The following MEGF10 variants were observed in gnomAD, a reference collection of about 807,000 sequenced individuals.
MEGF10 encodes the protein multiple EGF like domains 10.
In MEGF10, 86 loss-of-function variants were observed where a neutral mutation model predicts 147.5. The ratio of observed to expected loss-of-function variants is 0.58; its 90% CI spans 0.49 to 0.70. The LOEUF (loss-of-function observed/expected upper bound fraction) is 0.70, where lower values mean the gene tolerates loss of function less well. MEGF10 is among the 30% of genes least tolerant of loss of function. The probability of loss-of-function intolerance (pLI) is 0.00; values close to 1 mark genes in which losing one functional copy is unlikely to be tolerated. For missense variants in MEGF10, 1,329 were observed against 1,487.3 expected (o/e 0.89, Z 1.75); for synonymous variants, 478 against 525.5 (o/e 0.91, Z 1.24).
intron 8 of MEGF10, among the ~76,000 whole-genome samples, chr5:127,408,964 C>T (rs762900648): frequency 7.2e-5 from 11 of 152,176 alleles, no homozygotes; most frequent in Middle Eastern, 3.4e-3. Context: ...GTGGTCCTAG[C>T]TACTCAGGCG....
intron 1 of MEGF10, among the ~76,000 whole-genome samples, chr5:127,291,388 T>A (rs192541848): frequency 5.3e-5 from 8 of 152,300 alleles, no homozygotes; most frequent in Admixed American, 4.6e-4. Flanking sequence ...TAGCTGGATG[T>A]AGGGAGATTT....
chr5:127,400,893 C>A (rs1226038100), intron 7 of MEGF10, among the ~76,000 whole-genome samples: 2 of 152,140 alleles, frequency 1.3e-5, no homozygotes, highest in Non-Finnish European at 2.9e-5. Context: ...GCTGAGCTTT[C>A]AATTTATACT....
chr5:127,292,837 T>G (rs972148022), intron 1 of MEGF10, among the ~76,000 whole-genome samples: 2 of 152,184 alleles, frequency 1.3e-5, no homozygotes, highest in African/African-American at 2.4e-5. Context: ...ATCTATTACA[T>G]GTCAAGCACT....
At chr5:127,286,853 T>A (rs1369219531), upstream of MEGF10, among the ~76,000 whole-genome samples, 2 of 151,812 alleles carry the variant, frequency 1.3e-5, no homozygotes, top group Non-Finnish European at 3.0e-5. Flanking sequence ...AACAAGAAAA[T>A]AAAAATGCAG....
intron 1 of MEGF10, among the ~76,000 whole-genome samples, chr5:127,318,651 A>C (rs116330280): frequency 0.02 from 3,042 of 152,324 alleles, 41 homozygotes; most frequent in South Asian, 0.035. Flanking sequence ...TGCCATTGAA[A>C]AATTGACTTA....
rs753476658 is a variant in MEGF10 at position 127,447,684 on chromosome 5, G to A, written c.2856G>A (p.Lys952=). The A allele has an allele frequency of 6.2e-7, 1 of 1,614,060 alleles. No individual in the cohort carries two copies. The highest frequency in any genetic ancestry group is 1.1e-5 in the South Asian group (1 of 91,082). Reference sequence around the variant, plus strand: ...ACAGGGACAGGATGACTGTCACGAAGGTGAGAGGAATTGGTTCAAGTCTTT... The same window carrying A: ...ACAGGGACAGGATGACTGTCACGAAAGTGAGAGGAATTGGTTCAAGTCTTT... ...VNNRDRMTVT[K]SKNNQLFVNL... Residue 952 remains lysine, a splice_region_variant and synonymous_variant, in exon 21 of 25, where the codon AAG becomes AAA. Transcript: ENST00000503335.
intron 4 of MEGF10, among the ~76,000 whole-genome samples, chr5:127,351,490 C>T (rs1174204871): frequency 1.3e-5 from 2 of 152,072 alleles, no homozygotes; most frequent in African/African-American, 2.4e-5. Context: ...CGTAGTTTTG[C>T]GGCTACAGGG....
chr5:127,309,993 CT>C (rs1760204164), intron 1 of MEGF10, among the ~76,000 whole-genome samples: 2 of 76,296 alleles, frequency 2.6e-5, no homozygotes, highest in African/African-American at 9.9e-5. Context: ...TTCTTTCTTT[CT>C]TTCCTTCCTT....
chr5:127,313,777 C>G (rs1046758930), intron 1 of MEGF10, among the ~76,000 whole-genome samples: 1 of 152,202 alleles, frequency 6.6e-6, no homozygotes, highest in African/African-American at 2.4e-5. Context: ...AAAGTGAGAA[C>G]TCCCAGATAC....
At chr5:127,232,390 A>T in the MEGF10 span, among the ~76,000 whole-genome samples, 1 of 152,322 alleles carries the variant, frequency 6.6e-6, no homozygotes. Flanking sequence ...ATCAAGATCA[A>T]CAAAGGCTGA....
chr5:127,292,324 G>A (rs2126694850), intron 1 of MEGF10, among the ~76,000 whole-genome samples: 1 of 152,244 alleles, frequency 6.6e-6, no homozygotes, highest in Admixed American at 6.5e-5. Context: ...GATAATAATA[G>A]CACTTACATC....
At chr5:127,293,554 G>A (rs1759359971) in intron 1 of MEGF10, among the ~76,000 whole-genome samples, 1 of 152,156 alleles carries the variant, frequency 6.6e-6, no homozygotes, top group African/African-American at 2.4e-5. Flanking sequence ...ATTTTTACAA[G>A]TTCCCCAGGT....
intron 4 of MEGF10, among the ~76,000 whole-genome samples, chr5:127,365,835 G>A (rs1206417259): frequency 6.6e-6 from 1 of 152,002 alleles, no homozygotes; most frequent in Non-Finnish European, 1.5e-5. Flanking sequence ...AGTTTTAATT[G>A]CCCTTTTAAA....
chr5:127,291,833 A>G (rs1759270359), intron 1 of MEGF10, among the ~76,000 whole-genome samples: 1 of 152,202 alleles, frequency 6.6e-6, no homozygotes, highest in African/African-American at 2.4e-5. Flanking sequence ...AATGATGGCA[A>G]TATCTTTGCT....
intron 18 of MEGF10, among the ~76,000 whole-genome samples, chr5:127,441,633 T>A (rs989203688): frequency 1.3e-5 from 2 of 152,248 alleles, no homozygotes; most frequent in African/African-American, 4.8e-5. Context: ...CTTAGGGCTG[T>A]ATCAGACCCA....
At chr5:127,307,806 A>G (rs1760081906) in intron 1 of MEGF10, among the ~76,000 whole-genome samples, 2 of 152,214 alleles carry the variant, frequency 1.3e-5, no homozygotes, top group Admixed American at 6.5e-5. Context: ...GGCTTTAAAA[A>G]TTTTGTAAAG....
Position 127,447,572 on chromosome 5 carries a change from G to A in MEGF10, c.2744G>A (p.Ser915Asn). Residue 915 changes from serine (S) to asparagine (N), a missense_variant, in exon 21 of 25, where the codon AGC becomes AAC. Ser to Asn is a conservative substitution (Grantham distance 46). Coordinates refer to ENST00000503335, the MANE Select transcript of MEGF10 (RefSeq NM_001256545.2). ...DYTISGTLPH[S>N]NGGNANSHYF... ...CTTCTTGCAGGAACCCTTCCTCACA[G>A]CAATGGTGGAAACGCTAATAGCCAC... The A allele has an allele frequency of 6.2e-7, 1 of 1,614,060 alleles. No homozygotes were observed.
intron 1 of MEGF10, among the ~76,000 whole-genome samples, chr5:127,327,101 C>T (rs1761067954): frequency 6.6e-6 from 1 of 152,186 alleles, no homozygotes; most frequent in African/African-American, 2.4e-5. Flanking sequence ...GCAAAGCTTG[C>T]CTTCCAAGTG....
At chr5:127,397,100 T>C (rs1763946453) in intron 6 of MEGF10, among the ~76,000 whole-genome samples, 1 of 152,186 alleles carries the variant, frequency 6.6e-6, no homozygotes, top group Non-Finnish European at 1.5e-5. Context: ...TATTTGGGAT[T>C]CTGTTTGGAT....
Sources: allele counts gnomAD v4.1 joint callset (sites outside exome capture counted in the v4.1 genomes callset), GRCh38; gene constraint gnomAD v4.1.1; transcripts MANE v1.5; gene names NCBI Gene and HGNC (gene_info 2026-07-23, HGNC 2026-07-21).